TAFA1: variants seen among roughly 807,000 people sequenced by gnomAD.
TAFA1 encodes chemokine-like protein TAFA-1.
TAFA1 carries 4 observed loss-of-function variants against 18.5 expected under a neutral mutation model. The ratio of observed to expected loss-of-function variants is 0.22; its 90% CI spans 0.11 to 0.49. TAFA1 has a LOEUF of 0.49. Ranked by LOEUF, TAFA1 falls within the 20% of genes least tolerant of loss-of-function variation. TAFA1 has a pLI of 0.98. For missense variants in TAFA1, 147 were observed against 169.0 expected (o/e 0.87, Z 0.72); for synonymous variants, 56 against 55.2 (o/e 1.01, Z -0.06).
chr3:68,094,826 A>G (rs1267690692), intron 2 of TAFA1, among the ~76,000 whole-genome samples: 5 of 152,304 alleles, frequency 3.3e-5, no homozygotes, highest in South Asian at 2.1e-4. Context: ...GTGTTAACCT[A>G]TAGGGTGATG....
chr3:68,167,392 A>G (rs1369426716), intron 2 of TAFA1, among the ~76,000 whole-genome samples: 5 of 151,942 alleles, frequency 3.3e-5, no homozygotes, highest in Non-Finnish European at 7.4e-5. Flanking sequence ...CCTGGCTAAC[A>G]TGGTGAAACC....
chr3:68,481,625 A>G (rs2072237902), intron 3 of TAFA1, among the ~76,000 whole-genome samples: 1 of 152,118 alleles, frequency 6.6e-6, no homozygotes, highest in African/African-American at 2.4e-5. Context: ...CTAAAATTAG[A>G]CTATTACCTT....
chr3:68,515,769 A>G (rs2072911583), intron 3 of TAFA1, among the ~76,000 whole-genome samples: 2 of 152,320 alleles, frequency 1.3e-5, no homozygotes, highest in Admixed American at 6.5e-5. Flanking sequence ...GATAATAATG[A>G]TCTTCTTCCC....
chr3:68,455,133 C>T (rs2071637572), intron 3 of TAFA1, among the ~76,000 whole-genome samples: 2 of 151,976 alleles, frequency 1.3e-5, no homozygotes, highest in African/African-American at 4.8e-5. Flanking sequence ...AGAGAAAATA[C>T]ATTTATTATT....
intron 2 of TAFA1, among the ~76,000 whole-genome samples, chr3:68,350,431 G>T (rs1233285671): frequency 6.6e-6 from 1 of 152,040 alleles, no homozygotes; most frequent in Non-Finnish European, 1.5e-5. Flanking sequence ...TGGACTTTTT[G>T]CAGTAGAATC....
At chr3:68,050,293 G>A (rs747355092) in intron 2 of TAFA1, among the ~76,000 whole-genome samples, 37 of 152,142 alleles carry the variant, frequency 2.4e-4, no homozygotes, top group Non-Finnish European at 4.9e-4. Context: ...GAGCCCCTGA[G>A]CAATGTATCA....
intron 2 of TAFA1, among the ~76,000 whole-genome samples, chr3:68,211,642 G>C (rs2066598486): frequency 6.6e-6 from 1 of 152,012 alleles, no homozygotes; most frequent in Admixed American, 6.6e-5. Context: ...GGTTTATTTG[G>C]CTCACAGTTC....
chr3:68,064,170 T>G (rs1034533504), intron 2 of TAFA1, among the ~76,000 whole-genome samples: 1 of 151,858 alleles, frequency 6.6e-6, no homozygotes, highest in African/African-American at 2.4e-5. Context: ...GGTAAAAACG[T>G]GATGAGGTGG....
chr3:68,040,621 G>T (rs1008013220), intron 2 of TAFA1, among the ~76,000 whole-genome samples: 1 of 152,196 alleles, frequency 6.6e-6, no homozygotes, highest in African/African-American at 2.4e-5. Context: ...GGCTCAGGAA[G>T]TGTGGTCATC....
intron 2 of TAFA1, among the ~76,000 whole-genome samples, chr3:68,196,253 A>T (rs1386613572): frequency 6.6e-6 from 1 of 151,774 alleles, no homozygotes; most frequent in Non-Finnish European, 1.5e-5. Flanking sequence ...TGGAAATAGT[A>T]TGTTCATACC....
chr3:68,007,874 C>T (rs187093838), intron 2 of TAFA1, among the ~76,000 whole-genome samples: 48 of 152,330 alleles, frequency 3.2e-4, no homozygotes, highest in African/African-American at 1.1e-3. Context: ...CAATACCTTC[C>T]GGGGCCCCGC....
At chr3:68,307,451 A>G (rs550088177) in intron 2 of TAFA1, among the ~76,000 whole-genome samples, 1 of 152,344 alleles carries the variant, frequency 6.6e-6, no homozygotes, top group Non-Finnish European at 1.5e-5. Flanking sequence ...CTACACATCC[A>G]GCCATCTGAT....
At chr3:68,363,586 C>T (rs1437877729) in intron 2 of TAFA1, among the ~76,000 whole-genome samples, 1 of 152,106 alleles carries the variant, frequency 6.6e-6, no homozygotes, top group Non-Finnish European at 1.5e-5. Context: ...AAGCCCAAGG[C>T]ATTTTTTAAT....
chr3:68,275,840 A>G (rs958247086), intron 2 of TAFA1, among the ~76,000 whole-genome samples: 1 of 152,124 alleles, frequency 6.6e-6, no homozygotes, highest in African/African-American at 2.4e-5. Context: ...TTGAGTTCAA[A>G]TTCAAAGTTA....
chr3:68,324,607 G>T (rs546013300), intron 2 of TAFA1, among the ~76,000 whole-genome samples: 4 of 152,218 alleles, frequency 2.6e-5, no homozygotes, highest in East Asian at 1.9e-4. Flanking sequence ...ACAAGTATTT[G>T]GTTGGTGCAA....
At chr3:68,259,749 G>A (rs1194859485) in intron 2 of TAFA1, among the ~76,000 whole-genome samples, 3 of 151,560 alleles carry the variant, frequency 2.0e-5, no homozygotes, top group Non-Finnish European at 4.4e-5. Context: ...GTCTGTTATT[G>A]GTGTATAAGA....
chr3:68,392,391 G>T (rs2070280006), intron 2 of TAFA1, among the ~76,000 whole-genome samples: 1 of 152,064 alleles, frequency 6.6e-6, no homozygotes. Flanking sequence ...AAAAGACTTA[G>T]ACTCCCACAC....
At chr3:68,390,870 AC>A (rs1362420976) in intron 2 of TAFA1, among the ~76,000 whole-genome samples, 9 of 152,176 alleles carry the variant, frequency 5.9e-5, no homozygotes, top group Non-Finnish European at 1.2e-4. Context: ...AAAATCAAAG[AC>A]CAAATGTCAG....
chr3:68,361,369 A>T (rs2069464877), intron 2 of TAFA1, among the ~76,000 whole-genome samples: 1 of 151,968 alleles, frequency 6.6e-6, no homozygotes, highest in African/African-American at 2.4e-5. Context: ...GGTTACAGAA[A>T]AAGGGAGGGT....
Sources: gnomAD v4.1 joint callset for allele counts (sites outside exome capture counted in the v4.1 genomes callset) on GRCh38, gnomAD v4.1.1 for gene constraint, MANE v1.5 for transcripts, NCBI Gene and HGNC (gene_info 2026-07-23, HGNC 2026-07-21) for gene names.